GRIK2: variants seen among roughly 807,000 people sequenced by gnomAD.
GRIK2 encodes glutamate ionotropic receptor kainate type subunit 2, also known as glutamate receptor ionotropic, kainate 2.
In GRIK2, 32 loss-of-function variants were observed where a neutral mutation model predicts 100.3. The observed-to-expected ratio is 0.32, with a 90% CI of 0.24 to 0.43. The LOEUF is 0.43. Among genes scored for constraint, GRIK2 ranks in the 20% least tolerant of loss-of-function variants. The probability of loss-of-function intolerance (pLI) is 1.00; values close to 1 mark genes in which losing one functional copy is unlikely to be tolerated. For missense variants in GRIK2, 843 were observed against 1,114.9 expected, an observed-to-expected ratio of 0.76 and a Z score of 3.47; for synonymous variants, 417 against 389.4, an observed-to-expected ratio of 1.07 and a Z score of -0.83.
intron 14 of GRIK2, among the ~76,000 whole-genome samples, chr6:102,006,751 T>C (rs1421291910): frequency 1.3e-5 from 2 of 152,034 alleles, no homozygotes; most frequent in East Asian, 3.9e-4. Context: ...ATGGCATGTT[T>C]ATGGAATAAT....
At chr6:101,766,835 T>C (rs897057759) in intron 7 of GRIK2, among the ~76,000 whole-genome samples, 1 of 152,248 alleles carries the variant, frequency 6.6e-6, no homozygotes, top group African/African-American at 2.4e-5. Context: ...AGCTTTATGA[T>C]ACTACTTGAT....
intron 2 of GRIK2, among the ~76,000 whole-genome samples, chr6:101,407,960 G>A (rs1319241430): frequency 3.9e-5 from 6 of 152,122 alleles, no homozygotes; most frequent in Non-Finnish European, 7.4e-5. Context: ...TGTATCATTG[G>A]TGGAAGACTC....
chr6:101,481,261 G>A (rs1248263721), intron 2 of GRIK2, among the ~76,000 whole-genome samples: 2 of 152,046 alleles, frequency 1.3e-5, no homozygotes, highest in African/African-American at 2.4e-5. Context: ...GCTGTTTTTG[G>A]TATATGAAAT....
At chr6:102,048,395 G>GA (rs1332780170) in intron 15 of GRIK2, among the ~76,000 whole-genome samples, 3 of 151,556 alleles carry the variant, frequency 2.0e-5, no homozygotes, top group South Asian at 2.1e-4. Context: ...GCAAAGGAAG[G>GA]AAAAAAAATA....
chr6:101,920,146 C>T (rs981283079), intron 12 of GRIK2, among the ~76,000 whole-genome samples: 14 of 151,876 alleles, frequency 9.2e-5, no homozygotes, highest in African/African-American at 3.4e-4. Flanking sequence ...TGACTTGACC[C>T]TCTTCATTTT....
chr6:101,798,268 G>A (rs1334460029), intron 7 of GRIK2, among the ~76,000 whole-genome samples: 1 of 151,898 alleles, frequency 6.6e-6, no homozygotes, highest in Non-Finnish European at 1.5e-5. Context: ...TGATTTTTGT[G>A]ACTACCTGTG....
intron 2 of GRIK2, among the ~76,000 whole-genome samples, chr6:101,540,056 G>T (rs1299435848): frequency 6.6e-6 from 1 of 151,444 alleles, no homozygotes; most frequent in African/African-American, 2.4e-5. Context: ...GCCATGAAAG[G>T]TCAGCACTTC....
chr6:101,745,358 G>C (rs1050679128), intron 7 of GRIK2, among the ~76,000 whole-genome samples: 1 of 152,048 alleles, frequency 6.6e-6, no homozygotes, highest in African/African-American at 2.4e-5. Flanking sequence ...TACATGGGCT[G>C]GACTTTTGAT....
intron 7 of GRIK2, among the ~76,000 whole-genome samples, chr6:101,793,938 C>T (rs1780089006): frequency 6.6e-6 from 1 of 152,196 alleles, no homozygotes. Flanking sequence ...CCCAGCCTCC[C>T]TGCCGCGTTG....
chr6:101,489,828 T>C (rs953240226), intron 2 of GRIK2, among the ~76,000 whole-genome samples: 1 of 146,840 alleles, frequency 6.8e-6, no homozygotes, highest in Non-Finnish European at 1.5e-5. Flanking sequence ...GGCAAATATT[T>C]TCTTAGCAGC....
At chr6:101,686,688 T>C (rs1771725090) in intron 7 of GRIK2, among the ~76,000 whole-genome samples, 1 of 152,130 alleles carries the variant, frequency 6.6e-6, no homozygotes. Context: ...CCTTCTGATC[T>C]TACCTATCAA....
intron 2 of GRIK2, among the ~76,000 whole-genome samples, chr6:101,576,599 A>G (rs947086582): frequency 2.0e-5 from 3 of 152,070 alleles, no homozygotes; most frequent in African/African-American, 4.8e-5. Context: ...CACATGGCAA[A>G]TATCTGTCAC....
intron 3 of GRIK2, among the ~76,000 whole-genome samples, chr6:101,624,531 ATAT>A (rs1358453817): frequency 6.6e-6 from 1 of 152,158 alleles, no homozygotes; most frequent in East Asian, 1.9e-4. Context: ...TTCACGTATA[ATAT>A]TATATTTTAT....
At chr6:101,612,043 T>G (rs1779700278) in intron 2 of GRIK2, among the ~76,000 whole-genome samples, 1 of 151,826 alleles carries the variant, frequency 6.6e-6, no homozygotes, top group African/African-American at 2.4e-5. Context: ...GTGGCAATAT[T>G]ACCCAGCAAG....
rs1040109740 is a variant in GRIK2, at chr6:101,583,610, G to C, written c.116-38339G>C. Among the ~76,000 whole-genome samples, 7 of 152,050 alleles carry C rather than the reference G, an allele frequency of 4.6e-5. No individual in the cohort carries two copies. The East Asian group carries it at 1.4e-3, about 29-fold the overall frequency. On this transcript the variant is annotated intron_variant, in intron 2 of 16. Transcript: ENST00000369134. Reference sequence around the variant, plus strand: ...CATGTTTTCTAAGGCCCTATATAGTGATGAAAAAAACCTATGATTTTTTTG... The same window carrying C: ...CATGTTTTCTAAGGCCCTATATAGTCATGAAAAAAACCTATGATTTTTTTG...
At chr6:101,541,114 G>T (rs974452119) in intron 2 of GRIK2, among the ~76,000 whole-genome samples, 2 of 151,894 alleles carry the variant, frequency 1.3e-5, no homozygotes, top group Non-Finnish European at 2.9e-5. Context: ...CACTTCTATT[G>T]CTACATGTCT....
At chr6:102,014,231 G>A (rs1193771843) in intron 14 of GRIK2, among the ~76,000 whole-genome samples, 3 of 84,442 alleles carry the variant, frequency 3.6e-5, no homozygotes, top group Non-Finnish European at 9.0e-5. Context: ...GTGTGTGCAA[G>A]GAGGTGTTCA....
intron 10 of GRIK2, among the ~76,000 whole-genome samples, chr6:101,858,954 A>G (rs547652196): frequency 1.3e-5 from 2 of 151,980 alleles, no homozygotes; most frequent in East Asian, 1.9e-4. Flanking sequence ...GATGTCGGAT[A>G]TGATGTATTA....
intron 16 of GRIK2, among the ~76,000 whole-genome samples, chr6:102,061,984 A>G (rs572062174): frequency 1.3e-4 from 19 of 150,122 alleles, no homozygotes; most frequent in African/African-American, 4.4e-4. Context: ...CTAAAAATGC[A>G]TTTCACAGCT....
Sources: allele counts gnomAD v4.1 joint callset (sites outside exome capture counted in the v4.1 genomes callset), GRCh38; gene constraint gnomAD v4.1.1; transcripts MANE v1.5; gene names NCBI Gene and HGNC (gene_info 2026-07-23, HGNC 2026-07-21).